The following RBFOX1 variants were observed in gnomAD, a reference collection of about 807,000 sequenced individuals.
The protein encoded by RBFOX1 is RNA binding protein fox-1 homolog 1.
Under a neutral mutation model 57.7 loss-of-function variants are expected in RBFOX1, and 8 were observed. That is an observed-to-expected ratio of 0.14 (90% CI 0.08 to 0.25). The LOEUF is 0.25. Among genes scored for constraint, RBFOX1 ranks in the 10% least tolerant of loss-of-function variants. The pLI, the probability that RBFOX1 is intolerant of heterozygous loss-of-function variation, is 1.00. For missense variants in RBFOX1, 611 were observed against 548.5 expected (o/e 1.11, Z -1.14); for synonymous variants, 326 against 222.4 (o/e 1.47, Z -4.15).
intron 1 of RBFOX1, among the ~76,000 whole-genome samples, chr16:6,188,416 GCC>G (rs1163182375): frequency 3.6e-5 from 1 of 27,670 alleles, no homozygotes. Context: ...TTTTGTTTTA[GCC>G]AAAAAAAAAA....
At chr16:6,366,059 C>A (rs1234671607) in intron 2 of RBFOX1, among the ~76,000 whole-genome samples, 1 of 150,114 alleles carries the variant, frequency 6.7e-6, no homozygotes, top group Non-Finnish European at 1.5e-5. Flanking sequence ...TTCATATGGT[C>A]TCTGGTCGAG....
chr16:6,424,620 C>CGTGTCTGTGTGT (rs1555466661), intron 2 of RBFOX1, among the ~76,000 whole-genome samples: 43 of 150,706 alleles, frequency 2.9e-4, no homozygotes, highest in African/African-American at 1.0e-3. Context: ...TGTGTGTGTG[C>CGTGTCTGTGTGT]GTGTGTGTGA....
At chr16:6,400,462 A>T (rs2109457) in intron 2 of RBFOX1, among the ~76,000 whole-genome samples, 5 of 152,018 alleles carry the variant, frequency 3.3e-5, no homozygotes, top group African/African-American at 7.2e-5. Context: ...GTATAGCTAT[A>T]GATGCTGTAA....
intron 2 of RBFOX1, among the ~76,000 whole-genome samples, chr16:5,526,572 A>G (rs554063871): frequency 6.6e-6 from 1 of 152,274 alleles, no homozygotes; most frequent in East Asian, 1.9e-4. Context: ...TATAGGTGTG[A>G]GCCACCACAC....
At chr16:7,069,373 C>T (rs997864872) in intron 4 of RBFOX1, among the ~76,000 whole-genome samples, 4 of 152,022 alleles carry the variant, frequency 2.6e-5, no homozygotes, top group South Asian at 4.2e-4. Context: ...CAAAGAGGCC[C>T]GGTGTGTGTG....
intron 4 of RBFOX1, among the ~76,000 whole-genome samples, chr16:7,240,077 C>A (rs571066354): frequency 6.6e-6 from 1 of 152,274 alleles, no homozygotes; most frequent in African/African-American, 2.4e-5. Flanking sequence ...AGCGATTCTC[C>A]TGCCTCAGAC....
At chr16:5,914,865 A>G (rs1303122680) in intron 4 of RBFOX1, among the ~76,000 whole-genome samples, 2 of 152,124 alleles carry the variant, frequency 1.3e-5, no homozygotes, top group Non-Finnish European at 2.9e-5. Flanking sequence ...ACTGCACTCC[A>G]GCCTAGGCGA....
At chr16:5,896,016 C>G (rs1039830452) in intron 4 of RBFOX1, among the ~76,000 whole-genome samples, 5 of 152,116 alleles carry the variant, frequency 3.3e-5, no homozygotes, top group African/African-American at 7.2e-5. Flanking sequence ...AATGTTCTGT[C>G]TTACGTTGGG....
intron 3 of RBFOX1, among the ~76,000 whole-genome samples, chr16:6,831,372 A>T (rs1228892657): frequency 1.3e-5 from 2 of 152,196 alleles, no homozygotes; most frequent in African/African-American, 2.4e-5. Flanking sequence ...GATTTTACTG[A>T]GTTAACATAT....
intron 4 of RBFOX1, among the ~76,000 whole-genome samples, chr16:5,909,591 A>G (rs1201540112): frequency 6.6e-6 from 1 of 152,124 alleles, no homozygotes; most frequent in Non-Finnish European, 1.5e-5. Flanking sequence ...TCTTATCCTG[A>G]GTATAAGTGA....
intron 1 of RBFOX1, among the ~76,000 whole-genome samples, chr16:5,279,027 T>C (rs1318257725): frequency 6.6e-6 from 1 of 152,194 alleles, no homozygotes; most frequent in Non-Finnish European, 1.5e-5. Flanking sequence ...AGTGTGAGGC[T>C]TCTAGCTTTG....
chr16:6,228,705 G>T (rs1396196535), intron 1 of RBFOX1, among the ~76,000 whole-genome samples: 1 of 152,210 alleles, frequency 6.6e-6, no homozygotes, highest in Admixed American at 6.5e-5. Flanking sequence ...TCAGGTAGGC[G>T]GGAGGAGTAA....
chr16:5,681,182 T>A (rs1462761072), intron 3 of RBFOX1, among the ~76,000 whole-genome samples: 1 of 151,584 alleles, frequency 6.6e-6, no homozygotes, highest in East Asian at 1.9e-4. Flanking sequence ...CATGCCATTC[T>A]CATGCCTCAG....
In RBFOX1 at chr16:6,131,255, T is replaced by C. The variant is rs1567526733; in HGVS notation, c.-127+111263T>C. Among the ~76,000 whole-genome samples, 3 of 152,336 alleles carry C rather than the reference T, an allele frequency of 2.0e-5. No homozygotes were observed. In the East Asian group the frequency reaches 5.8e-4, roughly 29 times the overall value. ...TGTGTACACATTTATCAAAAGTCTT[T>C]AAATCTTTATTAGCCTAAGCCCCAT... On this transcript the variant is annotated intron_variant, in intron 1 of 15. Transcript: ENST00000550418.
intron 3 of RBFOX1, among the ~76,000 whole-genome samples, chr16:6,724,518 G>T (rs537887354): frequency 3.3e-5 from 5 of 152,070 alleles, no homozygotes; most frequent in Non-Finnish European, 5.9e-5. Context: ...GCCATCTTCT[G>T]TGGACGAGGA....
intron 1 of RBFOX1, among the ~76,000 whole-genome samples, chr16:5,453,578 C>G (rs138446121): frequency 6.6e-6 from 1 of 152,110 alleles, no homozygotes; most frequent in Non-Finnish European, 1.5e-5. Context: ...AAGCTACATG[C>G]ATCATAGGAG....
chr16:7,265,081 CT>C (rs1222496970), intron 4 of RBFOX1, among the ~76,000 whole-genome samples: 4 of 152,234 alleles, frequency 2.6e-5, no homozygotes, highest in Non-Finnish European at 4.4e-5. Flanking sequence ...CTCCCAGACC[CT>C]TTGTTCTAGC....
intron 4 of RBFOX1, among the ~76,000 whole-genome samples, chr16:5,915,551 G>A (rs1232419659): frequency 6.6e-6 from 1 of 152,096 alleles, no homozygotes; most frequent in African/African-American, 2.4e-5. Context: ...TAGAAGACAG[G>A]CTGGGCGCCG....
chr16:6,601,992 G>T (rs2097858975), intron 2 of RBFOX1, among the ~76,000 whole-genome samples: 1 of 152,112 alleles, frequency 6.6e-6, no homozygotes, highest in South Asian at 2.1e-4. Flanking sequence ...TGTCAGGTAG[G>T]ACAGGGGATG....
Sources: gnomAD v4.1 joint callset for allele counts (sites outside exome capture counted in the v4.1 genomes callset) on GRCh38, gnomAD v4.1.1 for gene constraint, MANE v1.5 for transcripts, NCBI Gene and HGNC (gene_info 2026-07-23, HGNC 2026-07-21) for gene names.